The following GRID1 variants were observed in gnomAD, a reference collection of about 807,000 sequenced individuals.
GRID1 encodes glutamate receptor ionotropic, delta-1.
Under a neutral mutation model 98.0 loss-of-function variants are expected in GRID1, and 28 were observed. That is an observed-to-expected ratio of 0.29 (90% confidence interval 0.21 to 0.39). The LOEUF is 0.39. Among genes scored for constraint, GRID1 ranks in the 10% least tolerant of loss-of-function variants. The pLI is 1.00. For missense variants in GRID1, 1,111 were observed against 1,340.5 expected, an observed-to-expected ratio of 0.83 and a Z score of 2.67; for synonymous variants, 553 against 538.5, an observed-to-expected ratio of 1.03 and a Z score of -0.37.
chr10:85,609,146 T>C (rs1392868091), intron 15 of GRID1, among the ~76,000 whole-genome samples: 2 of 152,058 alleles, frequency 1.3e-5, no homozygotes, highest in Non-Finnish European at 2.9e-5. Context: ...GCAGCAGGGG[T>C]ACAGAGGTAG....
intron 4 of GRID1, among the ~76,000 whole-genome samples, chr10:86,063,928 A>G (rs1189487166): frequency 1.3e-5 from 2 of 152,200 alleles, no homozygotes; most frequent in Non-Finnish European, 2.9e-5. Context: ...AGCAGAGACC[A>G]TATATGCTAC....
rs924315037 is a variant in GRID1, at chr10:85,968,135, C to T, written c.727-51896G>A. On this transcript the variant is annotated intron_variant, in intron 4 of 15. Transcript: ENST00000327946. Reference sequence around the variant, plus strand: ...TGAAGGTATAAATGTATTTTTGTAACTCTGTCCTCCTATTTGATCAAAAGA... The same window carrying T: ...TGAAGGTATAAATGTATTTTTGTAATTCTGTCCTCCTATTTGATCAAAAGA... Among the ~76,000 whole-genome samples, 6 of 152,176 alleles carry T rather than the reference C, an allele frequency of 3.9e-5. No homozygotes were observed. In the East Asian group the frequency reaches 1.2e-3, roughly 29 times the overall value.
At position 86,366,156 on chromosome 10, in the gene GRID1, G is replaced by C. The variant is rs1004429170; in HGVS notation, c.79+158C>G. On this transcript the variant is annotated intron_variant, in intron 1 of 15. Coordinates refer to ENST00000327946, the MANE Select transcript of GRID1 (RefSeq NM_017551.3). The surrounding 1 kb of genome is among the most constrained non-coding windows in gnomAD (Gnocchi z 4.1). ...AGCCAGCGGGAGCGCGGCGCGGCCG[G>C]TGCACAGCTCCTCCGCCGGGCGGCG... Among the ~76,000 whole-genome samples the C allele has an allele frequency of 6.6e-6, 1 of 151,612 alleles. No homozygotes were observed. The highest frequency in any genetic ancestry group is 2.1e-4 in the South Asian group (1 of 4,820).
intron 3 of GRID1, among the ~76,000 whole-genome samples, chr10:86,141,184 T>A (rs1845005947): frequency 6.6e-6 from 1 of 152,080 alleles, no homozygotes; most frequent in Non-Finnish European, 1.5e-5. Context: ...GAGGACAATA[T>A]GGTGCCTTAC....
intron 12 of GRID1, among the ~76,000 whole-genome samples, chr10:85,697,928 C>G (rs1422213980): frequency 6.6e-6 from 1 of 152,018 alleles, no homozygotes; most frequent in Non-Finnish European, 1.5e-5. Context: ...TCTATATGGT[C>G]CACTTTGAAT....
intron 4 of GRID1, among the ~76,000 whole-genome samples, chr10:86,040,773 A>G (rs564522942): frequency 6.6e-5 from 10 of 152,360 alleles, no homozygotes; most frequent in Admixed American, 2.0e-4. Context: ...AGAAATGACC[A>G]ATGTTTAAGG....
At chr10:86,075,754 C>G (rs1017523380) in intron 4 of GRID1, among the ~76,000 whole-genome samples, 1 of 152,204 alleles carries the variant, frequency 6.6e-6, no homozygotes, top group African/African-American at 2.4e-5. Context: ...TCAGAGAACA[C>G]GCAGAGGACC....
rs550319709 is a variant in GRID1, at chr10:85,827,813, T to A, written c.1233+26683A>T. 5.9e-5 allele frequency among the ~76,000 whole-genome samples: 9 copies of A among 152,234 alleles called. No homozygotes were observed. The South Asian group carries it at 1.9e-3, about 32-fold the overall frequency. ...GTCTTCTAAGACCTTGAAAAGAGAC[T>A]GAGATAATCACATAATAATAATGGG... On this transcript the variant is annotated intron_variant, in intron 8 of 15. Transcript: ENST00000327946.
At chr10:85,877,134 C>T (rs916377077) in intron 5 of GRID1, among the ~76,000 whole-genome samples, 2 of 152,256 alleles carry the variant, frequency 1.3e-5, no homozygotes, top group African/African-American at 4.8e-5. Flanking sequence ...CCCACCACAG[C>T]TCAGGGAGGC....
At chr10:86,174,527 A>G (rs541156362) in intron 3 of GRID1, among the ~76,000 whole-genome samples, 3 of 152,084 alleles carry the variant, frequency 2.0e-5, no homozygotes, top group Admixed American at 1.3e-4. Flanking sequence ...TAGACCTAAA[A>G]CCATAAAAAC....
At chr10:85,968,635 G>A (rs923099125) in intron 4 of GRID1, among the ~76,000 whole-genome samples, 1 of 151,930 alleles carries the variant, frequency 6.6e-6, no homozygotes, top group Non-Finnish European at 1.5e-5. Context: ...ATCTGTTCCA[G>A]TTTGTTTTAA....
chr10:86,001,422 GA>G (rs1428622617), intron 4 of GRID1, among the ~76,000 whole-genome samples: 1 of 152,178 alleles, frequency 6.6e-6, no homozygotes, highest in East Asian at 1.9e-4. Context: ...ATAAGACATT[GA>G]AAGGGCAGAG....
chr10:86,264,803 C>T (rs1165355205), intron 2 of GRID1: 2 of 476,892 alleles, frequency 4.2e-6, no homozygotes, highest in Non-Finnish European at 4.4e-6. Context: ...ACACGCTCGT[C>T]TGTGTCACCG....
At chr10:85,775,580 T>C (rs1468776540) in intron 8 of GRID1, among the ~76,000 whole-genome samples, 1 of 152,090 alleles carries the variant, frequency 6.6e-6, no homozygotes, top group Admixed American at 6.6e-5. Context: ...AACTAACTAT[T>C]GGGTACTATG....
intron 4 of GRID1, among the ~76,000 whole-genome samples, chr10:86,041,246 G>A (rs1843341569): frequency 6.6e-6 from 1 of 152,222 alleles, no homozygotes; most frequent in Non-Finnish European, 1.5e-5. Flanking sequence ...GGGTGTGAGT[G>A]GTTGGGCAGG....
At position 86,355,724 on chromosome 10, in the gene GRID1, G is replaced by A. The variant is rs149512134; in HGVS notation, c.235+8217C>T. ...GAGGAAGGGCTCAGAGAGTCTAGCT[G>A]AGTTGTTGGACACAGACCCAGCTGT... On this transcript the variant is annotated intron_variant, in intron 2 of 15. Coordinates refer to ENST00000327946, the MANE Select transcript of GRID1 (RefSeq NM_017551.3). 3.1e-3 allele frequency among the ~76,000 whole-genome samples: 468 copies of A among 152,372 alleles called. 2 individuals carry two copies. The highest frequency in any genetic ancestry group is 0.011 in the African/African-American group (446 of 41,588).
At chr10:85,676,665 G>C (rs1042245049) in intron 12 of GRID1, among the ~76,000 whole-genome samples, 1 of 152,170 alleles carries the variant, frequency 6.6e-6, no homozygotes. Flanking sequence ...GGAAGCCATG[G>C]ACTTTCAAGT....
intron 12 of GRID1, among the ~76,000 whole-genome samples, chr10:85,701,545 C>T (rs2132622930): frequency 6.6e-6 from 1 of 152,232 alleles, no homozygotes; most frequent in African/African-American, 2.4e-5. Context: ...AAATTTATAT[C>T]ACAGTCTCCA....
At chr10:85,668,122 C>T (rs1480739318) in intron 12 of GRID1, among the ~76,000 whole-genome samples, 2 of 152,218 alleles carry the variant, frequency 1.3e-5, no homozygotes, top group African/African-American at 2.4e-5. Context: ...GTGCATTCCA[C>T]AGCCTGTCAG....
Sources: allele counts gnomAD v4.1 joint callset (sites outside exome capture counted in the v4.1 genomes callset), GRCh38; gene constraint gnomAD v4.1.1; non-coding constraint Gnocchi (gnomAD v3.1); transcripts MANE v1.5; gene names NCBI Gene and HGNC (gene_info 2026-07-23, HGNC 2026-07-21).